Variants in DLC1 observed in about 807,000 individuals in gnomAD.
DLC1 encodes DLC1 Rho GTPase activating protein.
Under a neutral mutation model 140.3 loss-of-function variants are expected in DLC1, and 54 were observed. The observed-to-expected ratio is 0.38, with a 90% CI of 0.31 to 0.48. DLC1 has a LOEUF of 0.48. Among genes scored for constraint, DLC1 ranks in the 20% least tolerant of loss-of-function variants. The pLI, the probability that DLC1 is intolerant of heterozygous loss-of-function variation, is 0.96. For synonymous variants in DLC1, 986 were observed against 728.1 expected, an observed-to-expected ratio of 1.35 and a Z score of -5.70; for missense variants, 2,536 against 1,907.0, an observed-to-expected ratio of 1.33 and a Z score of -6.14.
chr8:13,259,759 G>A (rs1377801610), intron 5 of DLC1, among the ~76,000 whole-genome samples: 2 of 151,788 alleles, frequency 1.3e-5, no homozygotes, highest in African/African-American at 4.8e-5. Flanking sequence ...TAGCTATGAG[G>A]GTGCATACCA....
intron 1 of DLC1, among the ~76,000 whole-genome samples, chr8:13,563,797 T>C (rs1478494257): frequency 2.6e-5 from 4 of 152,182 alleles, no homozygotes; most frequent in Non-Finnish European, 2.9e-5. Context: ...TAGAAATACC[T>C]TGCATCTGAA....
intron 2 of DLC1, 116 bp downstream of exon 2, chr8:13,498,933 A>G (rs993756969): frequency 2.1e-5 from 27 of 1,262,658 alleles, no homozygotes; most frequent in Middle Eastern, 4.0e-4. Context: ...ACACATCTGC[A>G]TAACAGGGCA....
At chr8:13,232,207 A>G (rs187558177) in intron 5 of DLC1, among the ~76,000 whole-genome samples, 257 of 152,300 alleles carry the variant, frequency 1.7e-3, no homozygotes, top group African/African-American at 6.1e-3. Context: ...ACAGCTGTCT[A>G]CCAGTGATGC....
In DLC1 at chr8:13,251,663, G is replaced by A. The variant is rs190842760; in HGVS notation, c.1348+53606C>T. Among the ~76,000 whole-genome samples, 161 of 152,158 alleles carry A rather than the reference G, an allele frequency of 1.1e-3. 1 individual carries two copies. The Middle Eastern group carries it at 0.024, about 23-fold the overall frequency. ...AAAATACAATTGAATCTTGTCAGCT[G>A]TGGGGTCATGGAAATAAAAATAACT... On this transcript the variant is annotated intron_variant, in intron 5 of 17. Coordinates refer to ENST00000276297, the MANE Select transcript of DLC1 (RefSeq NM_182643.3).
chr8:13,397,517 C>T lies in DLC1; in HGVS notation c.1174-3824G>A, dbSNP rs192202949. Among the ~76,000 whole-genome samples the T allele has an allele frequency of 5.5e-4, 83 of 151,928 alleles. 1 individual carries two copies. The Middle Eastern group carries it at 0.024, about 44-fold the overall frequency. ...GAGAAGGAGTGAGGAAAAATGATGG[C>T]GCAATAACCAATAATTAAATTAAGA... On this transcript the variant is annotated intron_variant, in intron 3 of 17. Coordinates refer to ENST00000276297, the MANE Select transcript of DLC1 (RefSeq NM_182643.3).
intron 5 of DLC1, among the ~76,000 whole-genome samples, chr8:13,233,563 T>G (rs1357121983): frequency 1.3e-5 from 2 of 152,182 alleles, no homozygotes; most frequent in African/African-American, 2.4e-5. Flanking sequence ...TGGAGTATAT[T>G]CTACAAAAGA....
intron 4 of DLC1, among the ~76,000 whole-genome samples, chr8:13,315,771 T>A (rs1319181992): frequency 1.3e-5 from 2 of 152,116 alleles, no homozygotes; most frequent in African/African-American, 4.8e-5. Flanking sequence ...AGACAGGGAG[T>A]CATATGCTCA....
At chr8:13,587,811 C>T (rs1451181487) in intron 1 of DLC1, among the ~76,000 whole-genome samples, 4 of 151,838 alleles carry the variant, frequency 2.6e-5, no homozygotes, top group East Asian at 1.9e-4. Context: ...TATCAGTACT[C>T]TACTCTCAGA....
chr8:13,469,397 G>A (rs1275928540), intron 2 of DLC1, among the ~76,000 whole-genome samples: 1 of 152,146 alleles, frequency 6.6e-6, no homozygotes, highest in East Asian at 1.9e-4. Flanking sequence ...CTGACTCCCT[G>A]AGCTCTGAGT....
Position 13,158,745 on chromosome 8 carries a change from CCCG to C in DLC1, c.1349-43091_1349-43089del, listed in dbSNP as rs1363616158. On this transcript the variant is annotated intron_variant, in intron 5 of 17. Transcript: ENST00000276297. ...ACAACCACCACCCTCCCCCCCCCCC[CCCG>C]CCCGCCACACATCTCTCCTCTTTTT... 2.8e-3 allele frequency among the ~76,000 whole-genome samples: 263 copies of C among 95,222 alleles called. 17 individuals are homozygous for C. The highest frequency in any genetic ancestry group is 7.5e-3 in the African/African-American group (136 of 18,084). 62.5% of individuals were successfully genotyped at this position (95,222 alleles called of 152,430 possible).
At chr8:13,170,057 C>A (rs1246767555) in intron 5 of DLC1, among the ~76,000 whole-genome samples, 1 of 152,056 alleles carries the variant, frequency 6.6e-6, no homozygotes, top group Non-Finnish European at 1.5e-5. Flanking sequence ...AGGAATATTT[C>A]ATGCTTTAGG....
chr8:13,362,295 G>C (rs561349583), intron 4 of DLC1, among the ~76,000 whole-genome samples: 23 of 152,284 alleles, frequency 1.5e-4, no homozygotes, highest in African/African-American at 5.5e-4. Flanking sequence ...TGGAGAAAGA[G>C]CCCAGTGTTT....
intron 2 of DLC1, among the ~76,000 whole-genome samples, chr8:13,465,826 C>T (rs951168777): frequency 1.3e-5 from 2 of 152,102 alleles, no homozygotes; most frequent in African/African-American, 4.8e-5. Flanking sequence ...CCCTCCAATG[C>T]CTCTCATTGG....
At chr8:13,261,485 G>T (rs1450266246) in intron 5 of DLC1, among the ~76,000 whole-genome samples, 1 of 152,092 alleles carries the variant, frequency 6.6e-6, no homozygotes, top group Admixed American at 6.6e-5. Flanking sequence ...AGGAGTGACA[G>T]GATATAGTTT....
intron 5 of DLC1, among the ~76,000 whole-genome samples, chr8:13,193,152 C>A (rs956025085): frequency 6.6e-6 from 1 of 152,272 alleles, no homozygotes; most frequent in South Asian, 2.1e-4. Context: ...CACACTGACA[C>A]CTATTGACTG....
chr8:13,477,721 G>T (rs1800500318), intron 2 of DLC1, among the ~76,000 whole-genome samples: 1 of 152,120 alleles, frequency 6.6e-6, no homozygotes, highest in South Asian at 2.1e-4. Context: ...GGATTTGGAT[G>T]GGATGGAGAC....
chr8:13,395,278 C>A (rs1303179031), intron 3 of DLC1, among the ~76,000 whole-genome samples: 1 of 152,032 alleles, frequency 6.6e-6, no homozygotes, highest in Non-Finnish European at 1.5e-5. Context: ...CACACCACCA[C>A]ACCCAGCTAA....
intron 2 of DLC1, among the ~76,000 whole-genome samples, chr8:13,487,154 G>C (rs1007344022): frequency 7.9e-5 from 12 of 152,146 alleles, no homozygotes; most frequent in African/African-American, 2.9e-4. Context: ...TTTTGTGCTT[G>C]TCACCTCTTC....
In DLC1 at chr8:13,220,033, C is replaced by T. The variant is rs528743488; in HGVS notation, c.1348+85236G>A. 2.6e-4 allele frequency among the ~76,000 whole-genome samples: 40 copies of T among 152,040 alleles called. No individual in the cohort carries two copies. In the South Asian group the frequency reaches 6.0e-3, roughly 23 times the overall value. ...AGGGCCTGGGAAGAGGAGGGGTTGG[C>T]GGGAGTGACTGCTCAATGGGTACAG... On this transcript the variant is annotated intron_variant, in intron 5 of 17. Coordinates refer to ENST00000276297, the MANE Select transcript of DLC1 (RefSeq NM_182643.3).
Sources: allele counts gnomAD v4.1 joint callset (sites outside exome capture counted in the v4.1 genomes callset), GRCh38; gene constraint gnomAD v4.1.1; transcripts MANE v1.5; gene names NCBI Gene and HGNC (gene_info 2026-07-23, HGNC 2026-07-21).